The following SAR1A variants were observed in gnomAD, a reference collection of about 807,000 sequenced individuals.
SAR1A encodes secretion associated Ras related GTPase 1A.
SAR1A carries 6 observed loss-of-function variants against 22.6 expected under a neutral mutation model. That is an observed-to-expected ratio of 0.27 (90% CI 0.15 to 0.52). The LOEUF (loss-of-function observed/expected upper bound fraction) is 0.52. Ranked by LOEUF, SAR1A falls within the 20% of genes least tolerant of loss-of-function variation. The pLI, the probability that SAR1A is intolerant of heterozygous loss-of-function variation, is 0.96. For missense variants in SAR1A, 145 were observed against 245.1 expected, an observed-to-expected ratio of 0.59 and a Z score of 2.73; for synonymous variants, 70 against 82.2, an observed-to-expected ratio of 0.85 and a Z score of 0.80.
intron 5 of SAR1A, among the ~76,000 whole-genome samples, chr10:70,156,693 G>C (rs1350870211): frequency 6.6e-6 from 1 of 150,420 alleles, no homozygotes; most frequent in Admixed American, 6.6e-5. Flanking sequence ...AAAAAAGCAA[G>C]GTAAAGACTG....
At chr10:70,165,631 A>C (rs1839538515) in intron 1 of SAR1A, among the ~76,000 whole-genome samples, 1 of 152,220 alleles carries the variant, frequency 6.6e-6, no homozygotes, top group African/African-American at 2.4e-5. Context: ...CTTATGGATA[A>C]GCAAAAAAAG....
Position 70,152,483 on chromosome 10 carries a change from A to G in SAR1A, c.590T>C (p.Ile197Thr). The change falls in exon 7 of 7, where the codon ATT becomes ACT. Residue 197 changes from isoleucine to threonine, a missense_variant. Physicochemically the swap from Ile to Thr is moderately conservative, Grantham distance 89. Coordinates refer to ENST00000373241, the MANE Select transcript of SAR1A (RefSeq NM_020150.5). ...GEGFRWLSQY[I>T]D ...ATTTTCACCGTCCAAACATCAGTCA[A>G]TATACTGGGAGAGCCAGCGGAAACC... The G allele has an allele frequency of 6.2e-7, 1 of 1,609,740 alleles. No homozygotes were observed. Among genetic ancestry groups the G allele is most frequent in the Non-Finnish European group, 8.5e-7 (1 of 1,175,924 alleles).
rs918336095 is a variant in SAR1A at position 70,161,299 on chromosome 10, A to G, written c.179-230T>C. 12 of 548,542 alleles carry G rather than the reference A, an allele frequency of 2.2e-5. No homozygotes were observed. In the Admixed American group the frequency reaches 3.9e-4, roughly 18 times the overall value. 34.0% of individuals were successfully genotyped at this position (548,542 alleles called of 1,614,324 possible). A position where few individuals can be genotyped will look rare whatever the true frequency, so the allele number is the denominator to read the frequency against. ...AGGCAACGCCCCACTCCCAACAAAG[A>G]AAAGGAATACAAGGGTGAAATGTTC... On this transcript the variant is annotated intron_variant, in intron 3 of 6. Coordinates refer to ENST00000373241, the MANE Select transcript of SAR1A (RefSeq NM_020150.5).
intron 5 of SAR1A, among the ~76,000 whole-genome samples, chr10:70,157,440 G>C (rs1355390968): frequency 6.7e-6 from 1 of 148,954 alleles, no homozygotes; most frequent in Non-Finnish European, 1.5e-5. Flanking sequence ...CAGAATTACT[G>C]TTCATGACAC....
In SAR1A at chr10:70,161,737, T is replaced by C. The variant is rs1261340283; in HGVS notation, c.60A>G (p.Gly20=). ...NGFSSVLQFL[G]LYKKSGKLVF... Reference sequence around the variant, plus strand: ...CAAGTTTTCCAGATTTCTTGTACAGTCCTAAAAGAGAAAAAAATTGTTAAC... The same window carrying C: ...CAAGTTTTCCAGATTTCTTGTACAGCCCTAAAAGAGAAAAAAATTGTTAAC... Residue 20 remains glycine (G), a splice_region_variant and synonymous_variant, in exon 3 of 7, where the codon GGA becomes GGG. Coordinates refer to ENST00000373241, the MANE Select transcript of SAR1A (RefSeq NM_020150.5). The C allele has an allele frequency of 6.2e-7, 1 of 1,613,744 alleles. No individual in the cohort carries two copies. The highest frequency in any genetic ancestry group is 1.1e-5 in the South Asian group (1 of 91,036).
chr10:70,165,899 CTTATT>C (rs879526803), intron 1 of SAR1A, among the ~76,000 whole-genome samples: 11 of 152,298 alleles, frequency 7.2e-5, no homozygotes, highest in Non-Finnish European at 1.6e-4. Flanking sequence ...TCCTTGTTGT[CTTATT>C]TTAAGAAACT....
At chr10:70,169,456 G>C (rs1160730911) in intron 1 of SAR1A, among the ~76,000 whole-genome samples, 1 of 152,160 alleles carries the variant, frequency 6.6e-6, no homozygotes, top group African/African-American at 2.4e-5. Flanking sequence ...TTTAAGGTAG[G>C]TCTCTAAACT....
chr10:70,165,136 G>A (rs1839530665), intron 1 of SAR1A, among the ~76,000 whole-genome samples: 1 of 150,996 alleles, frequency 6.6e-6, no homozygotes. Context: ...GTAGTGGCGG[G>A]CGCCTGTGGT....
rs1006270398 is a variant in SAR1A, at chr10:70,170,438, C to G, written c.-42G>C. The stretch of plus-strand genomic sequence containing the variant: ...GGCCTGAGGGGCTCCTCCGGCAAAA[C>G]AGCGGCTGGCTCGGACCCTCCCTCA... On this transcript the variant is annotated 5_prime_UTR_variant, in exon 1 of 7. Transcript: ENST00000373241. 1.3e-5 allele frequency: 2 copies of G among 151,942 alleles called. No homozygotes were observed. The highest frequency in any genetic ancestry group is 2.9e-5 in the Non-Finnish European group (2 of 68,032). The allele number at this position is 151,942 out of a possible 1,614,324, so 9.4% of individuals were successfully genotyped here.
chr10:70,152,619 C>G (rs754239856), intron 6 of SAR1A, 27 bp from the exon 7 acceptor site: 1 of 1,378,516 alleles, frequency 7.3e-7, no homozygotes, highest in Non-Finnish European at 1.0e-6. Context: ...CAAGAAAGGC[C>G]TGTTAGCATC....
At chr10:70,166,025 G>A (rs1839545462) in intron 1 of SAR1A, among the ~76,000 whole-genome samples, 1 of 152,234 alleles carries the variant, frequency 6.6e-6, no homozygotes, top group East Asian at 1.9e-4. Context: ...ATGACTCGCA[G>A]AAGGCTCCGA....
chr10:70,163,310 T>C (rs1477359350), intron 1 of SAR1A, among the ~76,000 whole-genome samples: 4 of 152,156 alleles, frequency 2.6e-5, no homozygotes, highest in Admixed American at 2.0e-4. Flanking sequence ...AGATAACTGA[T>C]GAAGGTGGGT....
chr10:70,154,801 G>A (rs931966332), intron 5 of SAR1A, among the ~76,000 whole-genome samples: 1 of 151,808 alleles, frequency 6.6e-6, no homozygotes, highest in African/African-American at 2.4e-5. Context: ...ACAATATAGT[G>A]GATAAGTGTC....
chr10:70,166,563 C>T (rs1281872476), intron 1 of SAR1A, among the ~76,000 whole-genome samples: 1 of 152,110 alleles, frequency 6.6e-6, no homozygotes, highest in African/African-American at 2.4e-5. Context: ...TTTGCAGACA[C>T]GGGTCTCAAT....
At chr10:70,165,393 T>C (rs1839534946) in intron 1 of SAR1A, among the ~76,000 whole-genome samples, 1 of 151,878 alleles carries the variant, frequency 6.6e-6, no homozygotes, top group Non-Finnish European at 1.5e-5. Flanking sequence ...TAGGTACCAG[T>C]AAGAACAGTT....
rs1839315603 is a variant in SAR1A, at chr10:70,150,732, C to T, written c.*1744G>A. 1 of 152,296 alleles carries T rather than the reference C, an allele frequency of 6.6e-6. No individual in the cohort carries two copies. Among genetic ancestry groups the T allele is most frequent in the Non-Finnish European group, 1.5e-5 (1 of 68,026 alleles). The allele number at this position is 152,296 out of a possible 1,614,324, so 9.4% of individuals were successfully genotyped here. On this transcript the variant is annotated 3_prime_UTR_variant, in exon 7 of 7. Transcript: ENST00000373241. ...TTAAGGCTTTAACCCCTTTCCAAACCAACAACTTTGTCTTAATCCAGCTAT... is the reference window on the plus strand; with the variant it reads ...TTAAGGCTTTAACCCCTTTCCAAACTAACAACTTTGTCTTAATCCAGCTAT...
intron 4 of SAR1A, 124 bp downstream of exon 4, chr10:70,160,880 T>A (rs1338191645): frequency 1.6e-6 from 1 of 643,506 alleles, no homozygotes; most frequent in African/African-American, 1.9e-5. Flanking sequence ...ACTAAAGTAA[T>A]AAGATCCTAA....
Position 70,150,834 on chromosome 10 carries a change from A to G in SAR1A, c.*1642T>C, listed in dbSNP as rs1839316480. 2 of 152,520 alleles carry G rather than the reference A, an allele frequency of 1.3e-5. No individual in the cohort carries two copies. The highest frequency in any genetic ancestry group is 6.5e-5 in the Admixed American group (1 of 15,280). 9.4% of individuals were successfully genotyped at this position (152,520 alleles called of 1,614,324 possible). ...CCTCTGCATTCAGTACCTGGCAGTG[A>G]AAAAGTATGCTTTCCCCACAAGTCA... On this transcript the variant is annotated 3_prime_UTR_variant, in exon 7 of 7. Transcript: ENST00000373241.
rs766454450 is a variant in SAR1A, at chr10:70,161,001, T to C, written c.244+3A>G. Reference sequence around the variant, plus strand: ...ACATGCTTTCCACTGAGTCATCACTTACCTTGCTCGTGCCCACCAAGATCA... The same window carrying C: ...ACATGCTTTCCACTGAGTCATCACTCACCTTGCTCGTGCCCACCAAGATCA... On this transcript the variant is annotated splice_donor_region_variant and intron_variant, in intron 4 of 6. Transcript: ENST00000373241. 5.0e-6 allele frequency: 8 copies of C among 1,610,940 alleles called. No homozygotes were observed. The highest frequency in any genetic ancestry group is 1.1e-5 in the South Asian group (1 of 90,762).
Sources: allele counts gnomAD v4.1 joint callset (sites outside exome capture counted in the v4.1 genomes callset), GRCh38; gene constraint gnomAD v4.1.1; transcripts MANE v1.5; gene names NCBI Gene and HGNC (gene_info 2026-07-23, HGNC 2026-07-21).